Variants in OPRD1 observed in about 807,000 individuals in gnomAD.
OPRD1 encodes opioid receptor delta 1, also known as delta-type opioid receptor.
In OPRD1, 19 loss-of-function variants were observed where a neutral mutation model predicts 17.5. The observed-to-expected ratio is 1.09, with a 90% CI of 0.76 to 1.60. OPRD1 has a LOEUF of 1.60. Ranked by LOEUF, OPRD1 falls within the 40% of genes most tolerant of loss-of-function variation. The pLI is 0.00. For synonymous variants in OPRD1, 256 were observed against 240.9 expected, an observed-to-expected ratio of 1.06 and a Z score of -0.58; for missense variants, 483 against 547.2, an observed-to-expected ratio of 0.88 and a Z score of 1.17.
Position 28,864,508 on chromosome 1 carries a change from C to T in OPRD1, c.*1225C>T, listed in dbSNP as rs1018957785. Reference sequence around the variant, plus strand: ...CTGAGTACTAATGGGGGCCCAGAGGCTTGGGAAGGAGAAGGCTTCCAAAAC... The same window carrying T: ...CTGAGTACTAATGGGGGCCCAGAGGTTTGGGAAGGAGAAGGCTTCCAAAAC... On this transcript the variant is annotated 3_prime_UTR_variant, in exon 3 of 3. Transcript: ENST00000234961. The T allele has an allele frequency of 1.3e-5, 2 of 151,936 alleles. No individual in the cohort carries two copies. The highest frequency in any genetic ancestry group is 2.4e-5 in the African/African-American group (1 of 41,348). 9.4% of individuals were successfully genotyped at this position (151,936 alleles called of 1,614,324 possible). A position where few individuals can be genotyped will look rare whatever the true frequency, so the allele number is the denominator to read the frequency against.
intron 1 of OPRD1, among the ~76,000 whole-genome samples, chr1:28,849,875 CTTTTT>C (rs34907861): frequency 8.5e-6 from 1 of 118,096 alleles, no homozygotes. Context: ...GAGAGTCAAA[CTTTTT>C]TTTTTTTTTT....
At chr1:28,817,749 G>T (rs1206780139) in intron 1 of OPRD1, among the ~76,000 whole-genome samples, 4 of 152,140 alleles carry the variant, frequency 2.6e-5, no homozygotes, top group African/African-American at 9.7e-5. Context: ...GTGTTGCCCA[G>T]GCTGGAGTGC....
At chr1:28,841,027 C>G (rs574613325) in intron 1 of OPRD1, among the ~76,000 whole-genome samples, 15 of 152,268 alleles carry the variant, frequency 9.9e-5, no homozygotes, top group African/African-American at 3.6e-4. Flanking sequence ...AAAACAAAAC[C>G]AATTACAGGC....
At position 28,868,016 on chromosome 1, in the gene OPRD1, G is replaced by C. The variant is rs1050651810; in HGVS notation, c.*4733G>C. The stretch of plus-strand genomic sequence containing the variant: ...GAAGCTGCCAGAGAAGCAGGAGGAG[G>C]ATGGAGAGAATGTGCTACCATGGAA... On this transcript the variant is annotated 3_prime_UTR_variant, in exon 3 of 3. Transcript: ENST00000234961. 6.6e-6 allele frequency: 1 copy of C among 152,494 alleles called. No homozygotes were observed. The highest frequency in any genetic ancestry group is 1.5e-5 in the Non-Finnish European group (1 of 68,156). 9.4% of individuals were successfully genotyped at this position (152,494 alleles called of 1,614,324 possible).
chr1:28,862,664 G>A, intron 2 of OPRD1, 78 bp from the exon 3 acceptor site: 1 of 1,400,902 alleles, frequency 7.1e-7, no homozygotes, highest in Middle Eastern at 1.8e-4. Flanking sequence ...AGCCTTGAAA[G>A]GGTGGGCAAG....
At chr1:28,817,150 T>A (rs532329262) in intron 1 of OPRD1, among the ~76,000 whole-genome samples, 2 of 152,320 alleles carry the variant, frequency 1.3e-5, no homozygotes, top group Admixed American at 1.3e-4. Context: ...TCAGCCCATG[T>A]CTCTTCTGAT....
At chr1:28,862,696 C>A in intron 2 of OPRD1, 46 bp from the exon 3 acceptor site, 1 of 1,532,388 alleles carries the variant, frequency 6.5e-7, no homozygotes, top group Non-Finnish European at 8.8e-7. Context: ...CCCTTAGGCA[C>A]ACAGGCCCCT....
chr1:28,828,459 C>T (rs1360998579), intron 1 of OPRD1, among the ~76,000 whole-genome samples: 1 of 152,006 alleles, frequency 6.6e-6, no homozygotes, highest in Non-Finnish European at 1.5e-5. Context: ...TTCTTAAGGG[C>T]CCTAGGATTT....
intron 1 of OPRD1, among the ~76,000 whole-genome samples, chr1:28,844,502 G>A (rs2088923209): frequency 6.6e-6 from 1 of 151,940 alleles, no homozygotes; most frequent in Non-Finnish European, 1.5e-5. Flanking sequence ...TGTTGGCCAG[G>A]CTGGTCTCAA....
intron 1 of OPRD1, among the ~76,000 whole-genome samples, chr1:28,813,318 C>T (rs1240911093): frequency 6.6e-6 from 1 of 152,148 alleles, no homozygotes; most frequent in Non-Finnish European, 1.5e-5. Context: ...AGCTGTGGGC[C>T]GCCAACCGGT....
At chr1:28,833,654 G>A (rs1035780719) in intron 1 of OPRD1, among the ~76,000 whole-genome samples, 8 of 152,130 alleles carry the variant, frequency 5.3e-5, no homozygotes, top group Non-Finnish European at 7.3e-5. Context: ...AAATAGCCGG[G>A]TACTATAGTC....
intron 1 of OPRD1, among the ~76,000 whole-genome samples, chr1:28,855,483 A>G (rs2089048055): frequency 6.6e-6 from 1 of 151,680 alleles, no homozygotes; most frequent in Non-Finnish European, 1.5e-5. Flanking sequence ...GGGGAGTGGC[A>G]TGATTTGTCT....
intron 1 of OPRD1, among the ~76,000 whole-genome samples, chr1:28,857,175 A>G (rs2089064233): frequency 6.6e-6 from 1 of 152,154 alleles, no homozygotes; most frequent in Non-Finnish European, 1.5e-5. Context: ...AAGAACAGCG[A>G]TTGTGTCCAG....
intron 1 of OPRD1, among the ~76,000 whole-genome samples, chr1:28,827,290 T>C (rs1248173059): frequency 6.6e-6 from 1 of 152,148 alleles, no homozygotes; most frequent in Admixed American, 6.5e-5. Context: ...AGCAAGACCC[T>C]GTCTCAAAAA....
chr1:28,846,109 G>T (rs1205200690), intron 1 of OPRD1, among the ~76,000 whole-genome samples: 2 of 152,168 alleles, frequency 1.3e-5, no homozygotes, highest in Non-Finnish European at 2.9e-5. Flanking sequence ...TCACTACACT[G>T]TCGTCACATG....
intron 1 of OPRD1, among the ~76,000 whole-genome samples, chr1:28,840,512 G>A (rs2088887137): frequency 6.6e-6 from 1 of 152,314 alleles, no homozygotes; most frequent in Non-Finnish European, 1.5e-5. Context: ...TCGGGGAAAA[G>A]CACTGGGTTT....
intron 1 of OPRD1, among the ~76,000 whole-genome samples, chr1:28,852,611 A>T (rs562583738): frequency 6.6e-6 from 1 of 152,268 alleles, no homozygotes; most frequent in South Asian, 2.1e-4. Flanking sequence ...TGGAGGCTGT[A>T]GTGCACTATG....
At chr1:28,858,389 C>T (rs1569653509) in intron 1 of OPRD1, among the ~76,000 whole-genome samples, 2 of 152,128 alleles carry the variant, frequency 1.3e-5, no homozygotes, top group East Asian at 1.9e-4. Context: ...GCTGGGATTA[C>T]AAGCGTGAGC....
At position 28,862,879 on chromosome 1, in the gene OPRD1, C is replaced by A; in HGVS notation, c.715C>A (p.Arg239Ser). ...CGTGTGCTATGGCCTCATGCTGCTG[C>A]GCCTGCGCAGTGTGCGCCTGCTGTC... ...ITVCYGLMLL[R>S]LRSVRLLSGS... Residue 239 changes from arginine to serine, a missense_variant, in exon 3 of 3, where the codon CGC (arginine) becomes AGC (serine). By Grantham distance (110) the Arg-to-Ser change is moderately radical. Transcript: ENST00000234961. The A allele has an allele frequency of 6.2e-7, 1 of 1,612,434 alleles. No individual in the cohort carries two copies. Among genetic ancestry groups the A allele is most frequent in the East Asian group, 2.2e-5 (1 of 44,888 alleles).
Sources: allele counts gnomAD v4.1 joint callset (sites outside exome capture counted in the v4.1 genomes callset), GRCh38; gene constraint gnomAD v4.1.1; transcripts MANE v1.5; gene names NCBI Gene and HGNC (gene_info 2026-07-23, HGNC 2026-07-21).